Variants in MUC17 observed in about 807,000 individuals in gnomAD.
MUC17 encodes mucin-17.
MUC17 carries 190 observed loss-of-function variants against 170.3 expected under a neutral mutation model. The ratio of observed to expected loss-of-function variants is 1.12; its 90% confidence interval spans 0.99 to 1.26. The LOEUF is 1.26. Ranked by LOEUF, MUC17 falls within the 50% of genes most tolerant of loss-of-function variation. The probability of loss-of-function intolerance (pLI) is 0.00; values close to 1 mark genes in which losing one functional copy is unlikely to be tolerated. For synonymous variants in MUC17, 2,325 were observed against 2,002.5 expected (o/e 1.16, Z -4.30); for missense variants, 6,415 against 5,530.0 (o/e 1.16, Z -5.08).
Position 101,053,355 on chromosome 7 carries a change from T to C in MUC17, c.13282T>C (p.Ser4428Pro), listed in dbSNP as rs745485671. The change falls in exon 11 of 13, where the codon TCT becomes CCT. Residue 4428 changes from serine (S) to proline (P), a missense_variant. Transcript: ENST00000306151. ...REVKRQKYRL[S>P]QLYKWQEEDS... Reference sequence around the variant, plus strand: ...CATCACTAGGCAAAAGTACAGATTGTCTCAGTTATACAAGTGGCAAGAAGA... The same window carrying C: ...CATCACTAGGCAAAAGTACAGATTGCCTCAGTTATACAAGTGGCAAGAAGA... 6.2e-7 allele frequency: 1 copy of C among 1,614,050 alleles called. No homozygotes were observed. The highest frequency in any genetic ancestry group is 8.5e-7 in the Non-Finnish European group (1 of 1,179,980).
intron 1 of MUC17, among the ~76,000 whole-genome samples, chr7:101,022,883 G>T (rs1794119109): frequency 6.6e-6 from 1 of 151,978 alleles, no homozygotes; most frequent in South Asian, 2.1e-4. Flanking sequence ...AACTCTCCTT[G>T]CCTCAAACCC....
rs771026527 is a variant in MUC17, at chr7:101,041,310, G to A, written c.9894G>A (p.Thr3298=). ...CCACAACGGTGGCCAGTTCTGAAACGAGCACCCTTTCAACAACTCCTGCTG... is the reference window on the plus strand; with the variant it reads ...CCACAACGGTGGCCAGTTCTGAAACAAGCACCCTTTCAACAACTCCTGCTG... ...VSTTTVASSE[T]STLSTTPADT... The change falls in exon 3 of 13, where the codon ACG becomes ACA. Residue 3298 remains threonine, a synonymous_variant. Transcript: ENST00000306151. 14 of 1,514,252 alleles carry A rather than the reference G, an allele frequency of 9.2e-6. No homozygotes were observed. The East Asian group carries it at 1.6e-4, about 17-fold the overall frequency. The allele number at this position is 1,514,252 out of a possible 1,614,324, so 93.8% of individuals were successfully genotyped here.
chr7:101,038,438 C>T lies in MUC17; in HGVS notation c.7022C>T (p.Thr2341Ile). ...STSSEGNTPL[T>I]RMPVSTTMVA... ...TCTAGTGAAGGAAACACTCCATTAACACGTATGCCTGTCAGCACCACAATG... is the reference window on the plus strand; with the variant it reads ...TCTAGTGAAGGAAACACTCCATTAATACGTATGCCTGTCAGCACCACAATG... Residue 2341 changes from threonine (T) to isoleucine (I), a missense_variant, in exon 3 of 13, where the codon ACA (threonine) becomes ATA (isoleucine). Coordinates refer to ENST00000306151, the MANE Select transcript of MUC17 (RefSeq NM_001040105.2). 3 of 1,613,498 alleles carry T rather than the reference C, an allele frequency of 1.9e-6. No homozygotes were observed. The highest frequency in any genetic ancestry group is 2.5e-6 in the Non-Finnish European group (3 of 1,179,724).
At position 101,042,481 on chromosome 7, in the gene MUC17, C is replaced by A. The variant is rs1419470866; in HGVS notation, c.11065C>A (p.Pro3689Thr). The A allele has an allele frequency of 6.2e-7, 1 of 1,612,970 alleles. No individual in the cohort carries two copies. Among genetic ancestry groups the A allele is most frequent in the African/African-American group, 1.3e-5 (1 of 74,608 alleles). Reference sequence around the variant, plus strand: ...AGGTACCACCATGCCAATCTGGACGCCTAGTGAAGGAAGCACTCCATTAAC... The same window carrying A: ...AGGTACCACCATGCCAATCTGGACGACTAGTGAAGGAAGCACTCCATTAAC... ...PEGTTMPIWT[P>T]SEGSTPLTTM... Residue 3689 changes from proline to threonine, a missense_variant, in exon 3 of 13, where the codon CCT (proline) becomes ACT (threonine). Coordinates refer to ENST00000306151, the MANE Select transcript of MUC17 (RefSeq NM_001040105.2).
chr7:101,042,736 C>A lies in MUC17; in HGVS notation c.11320C>A (p.Pro3774Thr). 1 of 1,613,870 alleles carries A rather than the reference C, an allele frequency of 6.2e-7. No individual in the cohort carries two copies. Among genetic ancestry groups the A allele is most frequent in the South Asian group, 1.1e-5 (1 of 91,076 alleles). Reference sequence around the variant, plus strand: ...TACGAGGTTTCCTGAGAGTAGCACCCCTTCCATACCATCTGTTTACACCAG... The same window carrying A: ...TACGAGGTTTCCTGAGAGTAGCACCACTTCCATACCATCTGTTTACACCAG... ...PVTRFPESSTPSIPSVYTSMS... is the reference protein window; with the variant it reads ...PVTRFPESSTTSIPSVYTSMS... Residue 3774 changes from proline (P) to threonine (T), a missense_variant, in exon 3 of 13, where the codon CCT (proline) becomes ACT (threonine). Coordinates refer to ENST00000306151, the MANE Select transcript of MUC17 (RefSeq NM_001040105.2).
chr7:101,032,208 C>G lies in MUC17; in HGVS notation c.792C>G (p.Ser264Arg), dbSNP rs766673543. The change falls in exon 3 of 13, where the codon AGC becomes AGG. Residue 264 changes from serine to arginine, a missense_variant. Coordinates refer to ENST00000306151, the MANE Select transcript of MUC17 (RefSeq NM_001040105.2). Reference protein sequence around the residue: ...SSSPTTAEGPSLSNSAPSGGS... With the variant: ...SSSPTTAEGPRLSNSAPSGGS... ...CTCCTACAACTGCTGAAGGTCCCAG[C>G]CTGTCAAACTCAGCTCCTAGTGGAG... 1 of 1,614,194 alleles carries G rather than the reference C, an allele frequency of 6.2e-7. No individual in the cohort carries two copies. Among genetic ancestry groups the G allele is most frequent in the East Asian group, 2.2e-5 (1 of 44,894 alleles).
rs777642057 is a variant in MUC17, at chr7:101,050,476, C to T, written c.12723-8C>T. 3 of 1,611,916 alleles carry T rather than the reference C, an allele frequency of 1.9e-6. No homozygotes were observed. Among genetic ancestry groups the T allele is most frequent in the Non-Finnish European group, 2.5e-6 (3 of 1,178,704 alleles). ...CTGACCCCAGGACGTCTTCCCTTCC[C>T]TCTTCAGTCTTGGCAGTGTGGTGGT... On this transcript the variant is annotated splice_region_variant and splice_polypyrimidine_tract_variant and intron_variant, in intron 6 of 12. Transcript: ENST00000306151.
chr7:101,056,085 A>G (rs954373887), intron 11 of MUC17, 109 bp from the exon 12 acceptor site: 3 of 1,493,454 alleles, frequency 2.0e-6, no homozygotes, highest in South Asian at 1.2e-5. Flanking sequence ...GCAGTTTCCT[A>G]GGGGTAGAGA....
chr7:101,051,163 C>T (rs1346643395), intron 7 of MUC17, among the ~76,000 whole-genome samples: 4 of 151,662 alleles, frequency 2.6e-5, no homozygotes, highest in African/African-American at 9.7e-5. Context: ...GCCAGGAGTT[C>T]GAAACCAGCC....
intron 1 of MUC17, among the ~76,000 whole-genome samples, chr7:101,022,040 G>A (rs1027883650): frequency 6.6e-6 from 1 of 152,160 alleles, no homozygotes; most frequent in Non-Finnish European, 1.5e-5. Flanking sequence ...GGGCCACCAA[G>A]GCTTGGGTGC....
chr7:101,027,473 T>A (rs1034571541), intron 1 of MUC17, among the ~76,000 whole-genome samples: 2 of 152,174 alleles, frequency 1.3e-5, no homozygotes, highest in Non-Finnish European at 2.9e-5. Flanking sequence ...GTTTGTGTCT[T>A]CCAGAGAATT....
rs199572340 is a variant in MUC17 at position 101,043,690 on chromosome 7, A to G, written c.12274A>G (p.Met4092Val). The change falls in exon 3 of 13, where the codon ATG (methionine) becomes GTG (valine). Residue 4092 changes from methionine to valine, a missense_variant. By Grantham distance (21) the Met-to-Val change is conservative. Coordinates refer to ENST00000306151, the MANE Select transcript of MUC17 (RefSeq NM_001040105.2). ...TGTGAACCCTGAGGCTGTCACCACC[A>G]TGACCACCAGGACAAAACCCAGCAC... is the stretch of plus-strand genomic sequence containing the variant. The part of the protein sequence containing the change: ...TTVNPEAVTT[M>V]TTRTKPSTRT... The G allele has an allele frequency of 1.1e-5, 17 of 1,613,958 alleles. No individual in the cohort carries two copies. The highest frequency in any genetic ancestry group is 1.3e-5 in the African/African-American group (1 of 74,880).
rs757394225 is a variant in MUC17 at position 101,038,423 on chromosome 7, G to T, written c.7007G>T (p.Gly2336Val). ...TSMPTSTSSE[G>V]NTPLTRMPVS... is the part of the protein sequence containing the mutation. ...ATGCCAACCTCAACTTCTAGTGAAG[G>T]AAACACTCCATTAACACGTATGCCT... The change falls in exon 3 of 13, where the codon GGA (glycine) becomes GTA (valine). Residue 2336 changes from glycine (G) to valine (V), a missense_variant. By Grantham distance (109) the Gly-to-Val change is moderately radical. Transcript: ENST00000306151. The T allele has an allele frequency of 6.2e-7, 1 of 1,613,648 alleles. No individual in the cohort carries two copies. Among genetic ancestry groups the T allele is most frequent in the Non-Finnish European group, 8.5e-7 (1 of 1,179,990 alleles).
rs1175473391 is a variant in MUC17 at position 101,033,556 on chromosome 7, G to A, written c.2140G>A (p.Asp714Asn). 2 of 1,613,972 alleles carry A rather than the reference G, an allele frequency of 1.2e-6. No homozygotes were observed. The highest frequency in any genetic ancestry group is 8.5e-7 in the Non-Finnish European group (1 of 1,180,014). The change falls in exon 3 of 13, where the codon GAC (aspartate) becomes AAC (asparagine). Residue 714 changes from aspartate (D) to asparagine (N), a missense_variant. By Grantham distance (23) the Asp-to-Asn change is conservative. Transcript: ENST00000306151. The part of the protein sequence containing the change: ...EASTLSTTPV[D>N]TSTPVTTSTE... ...TAGCACCCTTTCAACAACTCCTGTTGACACCAGCACACCTGTGACCACTTC... is the reference window on the plus strand; with the variant it reads ...TAGCACCCTTTCAACAACTCCTGTTAACACCAGCACACCTGTGACCACTTC...
intron 11 of MUC17, among the ~76,000 whole-genome samples, chr7:101,053,895 G>C (rs867683283): frequency 7.1e-6 from 1 of 141,256 alleles, no homozygotes; most frequent in Non-Finnish European, 1.6e-5. Flanking sequence ...AAAAAAAAAA[G>C]AAAAAAAATT....
At position 101,037,258 on chromosome 7, in the gene MUC17, A is replaced by G; in HGVS notation, c.5842A>G (p.Thr1948Ala). Residue 1948 changes from threonine to alanine, a missense_variant, in exon 3 of 13, where the codon ACA becomes GCA. Physicochemically the swap from Thr to Ala is moderately conservative, Grantham distance 58 (BLOSUM62 0). Coordinates refer to ENST00000306151, the MANE Select transcript of MUC17 (RefSeq NM_001040105.2). ...VASSEINTLS[T>A]TLADTRTPVT... ...CAGTTCTGAAATCAACACCCTTTCA[A>G]CAACTCTTGCTGACACCAGGACACC... 6.2e-7 allele frequency: 1 copy of G among 1,611,242 alleles called. No homozygotes were observed. The highest frequency in any genetic ancestry group is 8.5e-7 in the Non-Finnish European group (1 of 1,178,244).
Position 101,039,677 on chromosome 7 carries a change from C to T in MUC17, c.8261C>T (p.Thr2754Ile), listed in dbSNP as rs149776118. 3.2e-5 allele frequency: 52 copies of T among 1,613,078 alleles called. No individual in the cohort carries two copies. The African/African-American group carries it at 5.5e-4, about 17-fold the overall frequency. Residue 2754 changes from threonine to isoleucine, a missense_variant, in exon 3 of 13, where the codon ACA becomes ATA. By Grantham distance (89) the Thr-to-Ile change is moderately conservative. Coordinates refer to ENST00000306151, the MANE Select transcript of MUC17 (RefSeq NM_001040105.2). ...CCTAGTGATGGAAGTACTCCATTAA[C>T]AAGTATACTTGTCAGCACCCTGCCA... ...STPSDGSTPL[T>I]SILVSTLPVA...
At position 101,037,795 on chromosome 7, in the gene MUC17, G is replaced by T; in HGVS notation, c.6379G>T (p.Val2127Phe). Residue 2127 changes from valine to phenylalanine, a missense_variant, in exon 3 of 13, where the codon GTT becomes TTT. By Grantham distance (50) the Val-to-Phe change is conservative. Transcript: ENST00000306151. ...PEASTLSTTPVDSNSPVITST... is the reference protein window; with the variant it reads ...PEASTLSTTPFDSNSPVITST... ...GGCTAGCACCCTTTCAACAACTCCTGTTGACTCCAACAGTCCTGTGATCAC... is the reference window on the plus strand; with the variant it reads ...GGCTAGCACCCTTTCAACAACTCCTTTTGACTCCAACAGTCCTGTGATCAC... The T allele has an allele frequency of 6.2e-7, 1 of 1,613,114 alleles. No homozygotes were observed. Among genetic ancestry groups the T allele is most frequent in the Non-Finnish European group, 8.5e-7 (1 of 1,179,374 alleles).
intron 1 of MUC17, among the ~76,000 whole-genome samples, chr7:101,030,508 C>T (rs1794259686): frequency 6.6e-6 from 1 of 152,340 alleles, no homozygotes; most frequent in Non-Finnish European, 1.5e-5. Flanking sequence ...CAGGCATGAG[C>T]CACCACGCCC....
Sources: gnomAD v4.1 joint callset for allele counts (sites outside exome capture counted in the v4.1 genomes callset) on GRCh38, gnomAD v4.1.1 for gene constraint, MANE v1.5 for transcripts, NCBI Gene and HGNC (gene_info 2026-07-23, HGNC 2026-07-21) for gene names.